The following SNRPG variants were observed in gnomAD, a reference collection of about 807,000 sequenced individuals.
SNRPG encodes the protein small nuclear ribonucleoprotein polypeptide G.
Under a neutral mutation model 13.9 loss-of-function variants are expected in SNRPG, and 3 were observed. The observed-to-expected ratio is 0.22, with a 90% confidence interval of 0.10 to 0.56. The LOEUF (loss-of-function observed/expected upper bound fraction) is 0.56. Among genes scored for constraint, SNRPG ranks in the 20% least tolerant of loss-of-function variants. SNRPG has a pLI of 0.93. For synonymous variants in SNRPG, 29 were observed against 29.3 expected, an observed-to-expected ratio of 0.99 and a Z score of 0.03; for missense variants, 34 against 96.1, an observed-to-expected ratio of 0.35 and a Z score of 2.70.
chr2:70,291,972 G>A (rs1697110076), intron 1 of SNRPG, among the ~76,000 whole-genome samples: 1 of 148,014 alleles, frequency 6.8e-6, no homozygotes, highest in Non-Finnish European at 1.5e-5. Flanking sequence ...TTTTGAGACG[G>A]AGTCTCGCTC....
At chr2:70,286,522 T>A (rs1559043248) in intron 3 of SNRPG, among the ~76,000 whole-genome samples, 1 of 152,152 alleles carries the variant, frequency 6.6e-6, no homozygotes, top group Non-Finnish European at 1.5e-5. Context: ...AAAACTTTTT[T>A]TTTTCTTTGG....
chr2:70,281,364 C>A lies in SNRPG; in HGVS notation c.*270G>T. The A allele has an allele frequency of 3.7e-6, 1 of 269,344 alleles. No individual in the cohort carries two copies. Among genetic ancestry groups the A allele is most frequent in the East Asian group, 8.0e-5 (1 of 12,466 alleles). The allele number at this position is 269,344 out of a possible 1,614,324, so 16.7% of individuals were successfully genotyped here. The stretch of plus-strand genomic sequence containing the variant: ...TGAAAGATGATGGACAGAAGGAATC[C>A]TTGCCATGTTTCACATTTAATAAGA... On this transcript the variant is annotated 3_prime_UTR_variant, in exon 4 of 4. Transcript: ENST00000272348.
intron 3 of SNRPG, among the ~76,000 whole-genome samples, chr2:70,283,876 T>C (rs879610663): frequency 6.6e-6 from 1 of 152,100 alleles, no homozygotes; most frequent in Non-Finnish European, 1.5e-5. Flanking sequence ...CTGGGCAACA[T>C]GGTAAAACCC....
intron 3 of SNRPG, among the ~76,000 whole-genome samples, chr2:70,282,666 T>C (rs955715884): frequency 6.6e-6 from 1 of 152,176 alleles, no homozygotes; most frequent in African/African-American, 2.4e-5. Context: ...CAACCATAAG[T>C]GTCCCTGCAA....
In SNRPG at chr2:70,287,175, G is replaced by C. The variant is rs974818786; in HGVS notation, c.180+893C>G. The C allele has an allele frequency of 2.1e-5, 13 of 608,200 alleles. No homozygotes were observed. The African/African-American group carries it at 2.4e-4, about 11-fold the overall frequency. 37.7% of individuals were successfully genotyped at this position (608,200 alleles called of 1,614,324 possible). A position where few individuals can be genotyped will look rare whatever the true frequency, so the allele number is the denominator to read the frequency against. ...GGTATGTAAAAAAATTAAACAGGCA[G>C]AGATGTCAAAATAGGTCTATCTTCA... On this transcript the variant is annotated intron_variant, in intron 3 of 3. Coordinates refer to ENST00000272348, the MANE Select transcript of SNRPG (RefSeq NM_003096.4).
intron 2 of SNRPG, 98 bp downstream of exon 2, chr2:70,289,252 T>C (rs2104920139): frequency 1.3e-6 from 1 of 741,864 alleles, no homozygotes; most frequent in Admixed American, 2.8e-5. Flanking sequence ...CGCGCCTGGC[T>C]GCTTTAAATT....
rs188523213 is a variant in SNRPG, at chr2:70,289,890, C to G, written c.33-518G>C. 3.3e-3 allele frequency among the ~76,000 whole-genome samples: 498 copies of G among 151,452 alleles called. 1 individual carries two copies. The highest frequency in any genetic ancestry group is 0.012 in the African/African-American group (487 of 41,236). On this transcript the variant is annotated intron_variant, in intron 1 of 3. Coordinates refer to ENST00000272348, the MANE Select transcript of SNRPG (RefSeq NM_003096.4). ...CAAAGTAATTTGGGAAGAGGAAAGG[C>G]AATAAAAATGAAACATATTTAGACT... is the stretch of plus-strand genomic sequence containing the variant.
rs1230129954 is a variant in SNRPG, at chr2:70,281,401, T to C, written c.*233A>G. 1 of 346,624 alleles carries C rather than the reference T, an allele frequency of 2.9e-6. No individual in the cohort carries two copies. The highest frequency in any genetic ancestry group is 5.4e-6 in the Non-Finnish European group (1 of 184,398). The allele number at this position is 346,624 out of a possible 1,614,324, so 21.5% of individuals were successfully genotyped here. On this transcript the variant is annotated 3_prime_UTR_variant, in exon 4 of 4. Transcript: ENST00000272348. The stretch of plus-strand genomic sequence containing the variant: ...CACATTTAATAAGATTCTTTCACTT[T>C]AATGCATAAAACCCTTTGAAATCAA...
intron 1 of SNRPG, among the ~76,000 whole-genome samples, chr2:70,291,047 AC>A (rs1314932645): frequency 1.3e-5 from 2 of 151,146 alleles, no homozygotes; most frequent in African/African-American, 4.9e-5. Context: ...ACACACACAC[AC>A]ACACACACAC....
At chr2:70,284,027 T>C (rs1696880146) in intron 3 of SNRPG, among the ~76,000 whole-genome samples, 1 of 152,176 alleles carries the variant, frequency 6.6e-6, no homozygotes, top group Non-Finnish European at 1.5e-5. Flanking sequence ...GCTACTGCAC[T>C]CCGGCCTCGG....
chr2:70,286,838 C>A (rs923098518), intron 3 of SNRPG, among the ~76,000 whole-genome samples: 2 of 152,132 alleles, frequency 1.3e-5, no homozygotes, highest in Admixed American at 1.3e-4. Context: ...TTGCAAGGAA[C>A]TAAAAACCTA....
intron 3 of SNRPG, among the ~76,000 whole-genome samples, chr2:70,286,598 C>CT (rs1271561258): frequency 1.3e-5 from 2 of 151,986 alleles, no homozygotes; most frequent in Admixed American, 6.6e-5. Flanking sequence ...GCCCAACACA[C>CT]TAAGTAGGTA....
chr2:70,293,724 G>A lies in SNRPG; in HGVS notation c.-75C>T. ...TTCCTCACGCTCCCGCTGTAGGCCC[G>A]GCGTCTTGCGTCTGGCGTCATCGAC... is the stretch of plus-strand genomic sequence containing the variant. On this transcript the variant is annotated 5_prime_UTR_variant, in exon 1 of 4. Transcript: ENST00000272348. The A allele has an allele frequency of 3.5e-6, 5 of 1,412,068 alleles. No individual in the cohort carries two copies. Among genetic ancestry groups the A allele is most frequent in the Non-Finnish European group, 3.0e-6 (3 of 996,054 alleles). 87.5% of individuals were successfully genotyped at this position (1,412,068 alleles called of 1,614,324 possible).
At chr2:70,286,957 G>T (rs923812558) in intron 3 of SNRPG, among the ~76,000 whole-genome samples, 1 of 152,280 alleles carries the variant, frequency 6.6e-6, no homozygotes, top group African/African-American at 2.4e-5. Flanking sequence ...TAATCATGCT[G>T]GCAGCCTTAT....
intron 3 of SNRPG, 90 bp from the exon 4 acceptor site, chr2:70,281,774 G>T (rs1050890491): frequency 1.0e-4 from 72 of 699,064 alleles, no homozygotes; most frequent in Middle Eastern, 2.5e-4. Flanking sequence ...ATCATTAATG[G>T]TTTTTTAATA....
chr2:70,293,082 A>G (rs1697143724), intron 1 of SNRPG: 2 of 701,986 alleles, frequency 2.8e-6, no homozygotes, highest in Non-Finnish European at 5.2e-6. Context: ...ATAACACATG[A>G]CATTCAAGCT....
In SNRPG at chr2:70,293,654, T is replaced by C; in HGVS notation, c.-5A>G. 2 of 1,614,064 alleles carry C rather than the reference T, an allele frequency of 1.2e-6. No individual in the cohort carries two copies. Among genetic ancestry groups the C allele is most frequent in the Middle Eastern group, 3.3e-4 (2 of 6,062 alleles). ...GGGAGGGTGAGCTTTGCTCATGGTG[T>C]ATACTCCGCGGGCTCACAGATGCCT... is the stretch of plus-strand genomic sequence containing the variant. On this transcript the variant is annotated 5_prime_UTR_variant, in exon 1 of 4. The change creates a new upstream start codon in the 5' untranslated region. Coordinates refer to ENST00000272348, the MANE Select transcript of SNRPG (RefSeq NM_003096.4).
At chr2:70,293,193 T>A (rs1697147735) in intron 1 of SNRPG, 2 of 702,334 alleles carry the variant, frequency 2.8e-6, no homozygotes, top group Non-Finnish European at 5.2e-6. Context: ...CGGATTCTGA[T>A]GCCTCACGTA....
intron 3 of SNRPG, among the ~76,000 whole-genome samples, chr2:70,285,719 A>C (rs1210708326): frequency 6.6e-6 from 1 of 152,140 alleles, no homozygotes; most frequent in Non-Finnish European, 1.5e-5. Flanking sequence ...TAATTCTCCA[A>C]ATCAAACTTG....
Sources: allele counts gnomAD v4.1 joint callset (sites outside exome capture counted in the v4.1 genomes callset), GRCh38; gene constraint gnomAD v4.1.1; transcripts MANE v1.5; gene names NCBI Gene and HGNC (gene_info 2026-07-23, HGNC 2026-07-21).